Variants in PLEKHA8 observed in about 807,000 individuals in gnomAD.
PLEKHA8 encodes pleckstrin homology domain-containing family A member 8.
A neutral mutation model predicts 68.2 loss-of-function variants in PLEKHA8; 36 were observed. The ratio of observed to expected loss-of-function variants is 0.53; its 90% CI spans 0.40 to 0.70. The LOEUF is 0.70. Among genes scored for constraint, PLEKHA8 ranks in the 30% least tolerant of loss-of-function variants. The pLI, the probability that PLEKHA8 is intolerant of heterozygous loss-of-function variation, is 0.00. For missense variants in PLEKHA8, 505 were observed against 615.4 expected, an observed-to-expected ratio of 0.82 and a Z score of 1.90; for synonymous variants, 211 against 216.1, an observed-to-expected ratio of 0.98 and a Z score of 0.20.
At chr7:30,063,468 A>G (rs1404729573) in intron 12 of PLEKHA8, among the ~76,000 whole-genome samples, 2 of 152,222 alleles carry the variant, frequency 1.3e-5, no homozygotes, top group African/African-American at 4.8e-5. Flanking sequence ...AAATTCTTCT[A>G]GCATGGGCCA....
intron 8 of PLEKHA8, 103 bp from the exon 9 acceptor site, chr7:30,055,154 T>G (rs948002947): frequency 5.9e-6 from 6 of 1,015,114 alleles, no homozygotes; most frequent in Non-Finnish European, 9.3e-6. Flanking sequence ...GTCAAACGAT[T>G]TGCCCTACAG....
At chr7:30,129,397 C>A in exon 14 of PLEKHA8, 1 of 1,489,494 alleles carries the variant, frequency 6.7e-7, no homozygotes, top group Non-Finnish European at 9.4e-7. Context: ...AAAGAAGCAG[C>A]CAATTCCGTC....
In PLEKHA8 at chr7:30,054,786, G is replaced by A. The variant is rs906254987; in HGVS notation, c.874G>A (p.Asp292Asn). ...CAATAACTTGACTCAGTCTGGATCA[G>A]ACTCAAGTTGCTCTCCGGAATGCCT... ...HDNNLTQSGS[D>N]SSCSPECLWE... Residue 292 changes from aspartate to asparagine, a missense_variant, in exon 8 of 14, where the codon GAC (aspartate) becomes AAC (asparagine). Coordinates refer to ENST00000449726, the MANE Select transcript of PLEKHA8 (RefSeq NM_001197026.2). 6.2e-7 allele frequency: 1 copy of A among 1,611,550 alleles called. No individual in the cohort carries two copies. Among genetic ancestry groups the A allele is most frequent in the East Asian group, 2.2e-5 (1 of 44,798 alleles).
At chr7:30,125,892 C>T (rs1220745438) in intron 13 of PLEKHA8, among the ~76,000 whole-genome samples, 1 of 151,948 alleles carries the variant, frequency 6.6e-6, no homozygotes, top group Non-Finnish European at 1.5e-5. Flanking sequence ...TAATTATTAT[C>T]CTTAGAGACA....
rs73305164 is a variant in PLEKHA8, at chr7:30,079,496, C to A, written c.*709C>A. 9 of 984,002 alleles carry A rather than the reference C, an allele frequency of 9.1e-6. No individual in the cohort carries two copies. Among genetic ancestry groups the A allele is most frequent in the Non-Finnish European group, 8.4e-6 (7 of 828,818 alleles). 61.0% of individuals were successfully genotyped at this position (984,002 alleles called of 1,614,324 possible). A position where few individuals can be genotyped will look rare whatever the true frequency, so the allele number is the denominator to read the frequency against. On this transcript the variant is annotated 3_prime_UTR_variant, in exon 14 of 14. Coordinates refer to ENST00000449726, the MANE Select transcript of PLEKHA8 (RefSeq NM_001197026.2). ...GTGGGACAGGTCATTTGAGATGACACCTCCCAACTGCCTACCATTTACCAG... is the reference window on the plus strand; with the variant it reads ...GTGGGACAGGTCATTTGAGATGACAACTCCCAACTGCCTACCATTTACCAG...
intron 6 of PLEKHA8, among the ~76,000 whole-genome samples, chr7:30,051,586 A>C (rs905672709): frequency 8.5e-5 from 13 of 152,052 alleles, no homozygotes; most frequent in African/African-American, 3.1e-4. Context: ...CTTGCATGTT[A>C]ATTGGCTTTT....
In PLEKHA8 at chr7:30,124,945, A is replaced by T. The variant is rs368026216; in HGVS notation, c.1363-4321A>T. Among the ~76,000 whole-genome samples the T allele has an allele frequency of 1.6e-4, 24 of 152,010 alleles. No homozygotes were observed. The South Asian group carries it at 1.7e-3, about 11-fold the overall frequency. Reference sequence around the variant, plus strand: ...TTAGATCTTAAATTTAGGAAAAAATAAAAAAAATCAGAATTTTTTTTTGCC... The same window carrying T: ...TTAGATCTTAAATTTAGGAAAAAATTAAAAAAATCAGAATTTTTTTTTGCC... On this transcript the variant is annotated intron_variant, in intron 13 of 13. Transcript: ENST00000396257.
chr7:30,064,487 G>A (rs994002158), intron 12 of PLEKHA8, among the ~76,000 whole-genome samples: 1 of 152,098 alleles, frequency 6.6e-6, no homozygotes, highest in Non-Finnish European at 1.5e-5. Flanking sequence ...AGGCTGCAGT[G>A]AATTGTGATC....
chr7:30,068,651 T>C (rs569273089), intron 12 of PLEKHA8, among the ~76,000 whole-genome samples: 20 of 152,334 alleles, frequency 1.3e-4, no homozygotes, highest in African/African-American at 4.8e-4. Flanking sequence ...TTTTCAGTTA[T>C]GGGTTAAAAT....
downstream of PLEKHA8, among the ~76,000 whole-genome samples, chr7:30,086,092 T>C (rs1795171235): frequency 6.6e-6 from 1 of 152,222 alleles, no homozygotes; most frequent in African/African-American, 2.4e-5. Flanking sequence ...AAACAATCAC[T>C]GTGACGAGCT....
At chr7:30,066,518 C>A (rs1021883779) in intron 12 of PLEKHA8, among the ~76,000 whole-genome samples, 2 of 152,124 alleles carry the variant, frequency 1.3e-5, no homozygotes, top group Non-Finnish European at 2.9e-5. Context: ...GCTGTGTTCC[C>A]TTAGTGTCCT....
chr7:30,061,932 G>A lies in PLEKHA8; in HGVS notation c.1134G>A (p.Glu378=). 2 of 1,614,116 alleles carry A rather than the reference G, an allele frequency of 1.2e-6. No individual in the cohort carries two copies. The highest frequency in any genetic ancestry group is 1.7e-6 in the Non-Finnish European group (2 of 1,179,990). The change falls in exon 11 of 14, where the codon GAG becomes GAA. Residue 378 remains glutamate (E), a synonymous_variant. Coordinates refer to ENST00000449726, the MANE Select transcript of PLEKHA8 (RefSeq NM_001197026.2). ...AGAAGTATATAACCAACAAAGAAGA[G>A]TTTACCACTCTCCAGAAGATAGTGC... The part of the protein sequence containing the change: ...VNQKYITNKE[E]FTTLQKIVLH...
At chr7:30,121,244 G>T (rs529566485) in intron 13 of PLEKHA8, among the ~76,000 whole-genome samples, 1 of 152,284 alleles carries the variant, frequency 6.6e-6, no homozygotes, top group African/African-American at 2.4e-5. Flanking sequence ...GCAGCTCAGG[G>T]TAGATGTCAG....
chr7:30,094,110 T>G (rs1795514517), downstream of PLEKHA8, among the ~76,000 whole-genome samples: 1 of 152,208 alleles, frequency 6.6e-6, no homozygotes, highest in African/African-American at 2.4e-5. Context: ...TTCAGCTCAC[T>G]CTAACTGTAC....
chr7:30,118,389 G>A (rs1583490409), intron 13 of PLEKHA8: 1 of 178,966 alleles, frequency 5.6e-6, no homozygotes, highest in Middle Eastern at 2.3e-3. Context: ...ACCAAACTAC[G>A]AGAAGCAACA....
downstream of PLEKHA8, among the ~76,000 whole-genome samples, chr7:30,091,022 G>T (rs372698054): frequency 2.0e-5 from 3 of 152,096 alleles, no homozygotes; most frequent in East Asian, 3.9e-4. Context: ...AAATTAGCCA[G>T]GCGTGATGGT....
At chr7:30,056,781 GTGTGTATATATATATGTTA>G (rs1278139756) in intron 9 of PLEKHA8, among the ~76,000 whole-genome samples, 3 of 86,104 alleles carry the variant, frequency 3.5e-5, no homozygotes, top group South Asian at 3.7e-4. Flanking sequence ...GTGTGTGTGT[GTGTGTATATATATATGTTA>G]TGTGTATATA....
intron 13 of PLEKHA8, among the ~76,000 whole-genome samples, chr7:30,105,178 A>G (rs552141226): frequency 1.3e-5 from 2 of 152,146 alleles, no homozygotes; most frequent in East Asian, 1.9e-4. Context: ...TAAGAAAAAC[A>G]TGTTCTCAGG....
At chr7:30,075,834 T>A (rs1794579612) in intron 13 of PLEKHA8, among the ~76,000 whole-genome samples, 1 of 152,138 alleles carries the variant, frequency 6.6e-6, no homozygotes, top group Admixed American at 6.6e-5. Flanking sequence ...GCATAAATCT[T>A]TTTTTCCTTT....
Sources: gnomAD v4.1 joint callset for allele counts (sites outside exome capture counted in the v4.1 genomes callset) on GRCh38, gnomAD v4.1.1 for gene constraint, MANE v1.5 for transcripts, NCBI Gene and HGNC (gene_info 2026-07-23, HGNC 2026-07-21) for gene names.